The following ECE1 variants were observed in gnomAD, a reference collection of about 807,000 sequenced individuals.
The protein encoded by ECE1 is endothelin converting enzyme 1.
Under a neutral mutation model 98.6 loss-of-function variants are expected in ECE1, and 35 were observed. That is an observed-to-expected ratio of 0.35 (90% CI 0.27 to 0.47). The LOEUF is 0.47. Ranked by LOEUF, ECE1 falls within the 20% of genes least tolerant of loss-of-function variation. ECE1 has a pLI of 1.00. For missense variants in ECE1, 814 were observed against 1,025.3 expected, an observed-to-expected ratio of 0.79 and a Z score of 2.81; for synonymous variants, 394 against 407.1, an observed-to-expected ratio of 0.97 and a Z score of 0.39.
rs539519466 is a variant in ECE1 at position 21,322,253 on chromosome 1, G to T, written c.3+23123C>A. Among the ~76,000 whole-genome samples the T allele has an allele frequency of 1.3e-3, 191 of 152,180 alleles. 2 individuals carry two copies. Among genetic ancestry groups the T allele is most frequent in the African/African-American group, 4.5e-3 (186 of 41,516 alleles). On this transcript the variant is annotated intron_variant, in intron 1 of 18. Transcript: ENST00000415912. The surrounding 1 kb of genome is among the most constrained non-coding windows in gnomAD (Gnocchi z 4.1). The stretch of plus-strand genomic sequence containing the variant: ...GGGATGGGGGTGTGGATAAAACCAG[G>T]AGACCCCACACCCCACCTGAGCCCG...
intron 10 of ECE1, among the ~76,000 whole-genome samples, chr1:21,242,145 C>G (rs1196510077): frequency 6.6e-6 from 1 of 152,170 alleles, no homozygotes; most frequent in African/African-American, 2.4e-5. Context: ...TTAGGCGGCC[C>G]TTGGATAAGC....
At chr1:21,289,909 G>C (rs1440747758) in intron 2 of ECE1, among the ~76,000 whole-genome samples, 161 bp downstream of exon 2, 1 of 149,674 alleles carries the variant, frequency 6.7e-6, no homozygotes, top group Non-Finnish European at 1.5e-5. Flanking sequence ...TCAGCGCGGA[G>C]CTCCAGCTGC....
chr1:21,290,458 T>A lies in ECE1; in HGVS notation c.-44A>T. 2 of 1,227,012 alleles carry A rather than the reference T, an allele frequency of 1.6e-6. No individual in the cohort carries two copies. Among genetic ancestry groups the A allele is most frequent in the South Asian group, 4.1e-5 (1 of 24,498 alleles). The allele number at this position is 1,227,012 out of a possible 1,614,324, so 76.0% of individuals were successfully genotyped here. A position where few individuals can be genotyped will look rare whatever the true frequency, so the allele number is the denominator to read the frequency against. The stretch of plus-strand genomic sequence containing the variant: ...GGTCCCGCTGCCCGGGTGGCCGGGA[T>A]GGGATGGGCCGGGCCAGGCGTTGCA... On this transcript the variant is annotated 5_prime_UTR_variant, in exon 1 of 19. Coordinates refer to ENST00000374893, the MANE Select transcript of ECE1 (RefSeq NM_001397.3). This position sits in a 1 kb window ranked among gnomAD's most constrained non-coding sequence, Gnocchi z 7.3.
intron 1 of ECE1, among the ~76,000 whole-genome samples, chr1:21,336,803 A>T (rs1370214573): frequency 6.6e-6 from 1 of 152,212 alleles, no homozygotes; most frequent in Non-Finnish European, 1.5e-5. Context: ...AGATCGCGCC[A>T]CTGCACTCCA....
At chr1:21,301,486 C>CCGTCT (rs1472163073) in intron 1 of ECE1, among the ~76,000 whole-genome samples, 5 of 149,964 alleles carry the variant, frequency 3.3e-5, no homozygotes, top group African/African-American at 1.2e-4. Context: ...CAGCGAGACT[C>CCGTCT]CGTCTCAAAA....
At chr1:21,273,048 C>T in intron 3 of ECE1, 137 bp from the exon 4 acceptor site, 1 of 853,176 alleles carries the variant, frequency 1.2e-6, no homozygotes, top group Non-Finnish European at 1.9e-6. Flanking sequence ...TGGACGGTCA[C>T]TAGACCCCTA....
At chr1:21,332,170 G>A (rs79069132) in intron 1 of ECE1, among the ~76,000 whole-genome samples, 4 of 152,212 alleles carry the variant, frequency 2.6e-5, no homozygotes, top group East Asian at 1.9e-4. Context: ...GATGTGGCCC[G>A]AGTCCCTTCC....
intron 3 of ECE1, among the ~76,000 whole-genome samples, chr1:21,278,930 G>A (rs2098250955): frequency 6.6e-6 from 1 of 152,150 alleles, no homozygotes; most frequent in East Asian, 1.9e-4. Context: ...ACAGGCTGAG[G>A]GAATAAGTGA....
At chr1:21,320,161 C>T (rs1230187743) in intron 1 of ECE1, among the ~76,000 whole-genome samples, 1 of 152,252 alleles carries the variant, frequency 6.6e-6, no homozygotes, top group Non-Finnish European at 1.5e-5. Flanking sequence ...CACAGATTCT[C>T]CCCATGGATT....
chr1:21,287,828 A>G (rs1413626929), intron 2 of ECE1, among the ~76,000 whole-genome samples: 2 of 152,234 alleles, frequency 1.3e-5, no homozygotes, highest in Non-Finnish European at 2.9e-5. Flanking sequence ...TTAAAAATAC[A>G]TACATACAAG....
intron 4 of ECE1, among the ~76,000 whole-genome samples, chr1:21,265,194 G>C (rs2098232319): frequency 6.6e-6 from 1 of 152,220 alleles, no homozygotes; most frequent in African/African-American, 2.4e-5. Flanking sequence ...AGTGAATAAA[G>C]GAATGAATGA....
chr1:21,313,796 C>T (rs1296969803), intron 1 of ECE1, among the ~76,000 whole-genome samples: 8 of 152,080 alleles, frequency 5.3e-5, no homozygotes, highest in Admixed American at 4.6e-4. Context: ...GGAATTAAGG[C>T]GATAATCCAT....
At chr1:21,239,150 G>A (rs908108394) in intron 10 of ECE1, among the ~76,000 whole-genome samples, 5 of 152,112 alleles carry the variant, frequency 3.3e-5, no homozygotes, top group African/African-American at 1.2e-4. Context: ...GGATTGCAAT[G>A]CCTTGATTCT....
rs147064017 is a variant in ECE1, at chr1:21,305,018, C to T, written c.4-14862G>A. ...ACCCACAGGTTAAGGCCTTGAACGA[C>T]ATCTTCAAAGATCTATGCAGAACTA... On this transcript the variant is annotated intron_variant, in intron 1 of 18. Transcript: ENST00000415912. Among the ~76,000 whole-genome samples, 54 of 152,324 alleles carry T rather than the reference C, an allele frequency of 3.5e-4. No homozygotes were observed. In the East Asian group the frequency reaches 0.01, roughly 29 times the overall value.
chr1:21,292,847 T>C (rs1197795445), upstream of ECE1, among the ~76,000 whole-genome samples: 6 of 152,202 alleles, frequency 3.9e-5, no homozygotes, highest in Non-Finnish European at 1.5e-5. Flanking sequence ...TTCTGGAGAC[T>C]TCTGCCTCAC....
chr1:21,313,665 C>T (rs1016434333), intron 1 of ECE1, among the ~76,000 whole-genome samples: 1 of 152,176 alleles, frequency 6.6e-6, no homozygotes, highest in Non-Finnish European at 1.5e-5. Flanking sequence ...ACAGACAGAC[C>T]TCAGCTGGAC....
At chr1:21,311,370 C>G (rs1638718580) in intron 1 of ECE1, among the ~76,000 whole-genome samples, 1 of 152,054 alleles carries the variant, frequency 6.6e-6, no homozygotes, top group Non-Finnish European at 1.5e-5. Flanking sequence ...GCTTCCAGGG[C>G]AAGTGAGAAA....
chr1:21,221,033 A>C (rs1037593492), intron 18 of ECE1, among the ~76,000 whole-genome samples: 2 of 152,184 alleles, frequency 1.3e-5, no homozygotes, highest in Non-Finnish European at 2.9e-5. Flanking sequence ...TGAACAAAGG[A>C]CTGTGTCCAA....
In ECE1 at chr1:21,345,398, G is replaced by A; in HGVS notation, c.-20C>T. 1 of 1,335,622 alleles carries A rather than the reference G, an allele frequency of 7.5e-7. No homozygotes were observed. Among genetic ancestry groups the A allele is most frequent in the Non-Finnish European group, 9.7e-7 (1 of 1,032,674 alleles). The allele number at this position is 1,335,622 out of a possible 1,614,324, so 82.7% of individuals were successfully genotyped here. A position where few individuals can be genotyped will look rare whatever the true frequency, so the allele number is the denominator to read the frequency against. On this transcript the variant is annotated 5_prime_UTR_variant, in exon 1 of 19. Coordinates refer to the ECE1 transcript ENST00000415912. The surrounding 1 kb of genome is among the most constrained non-coding windows in gnomAD (Gnocchi z 5.1). ...CACCATAGCTCGCGTGCTCCGCCCC[G>A]GCTTCGCGCAGCTCCCCGCGCCCGG...
Sources: allele counts gnomAD v4.1 joint callset (sites outside exome capture counted in the v4.1 genomes callset), GRCh38; gene constraint gnomAD v4.1.1; non-coding constraint Gnocchi (gnomAD v3.1); transcripts MANE v1.5; gene names NCBI Gene and HGNC (gene_info 2026-07-23, HGNC 2026-07-21).